CDH18: variants seen among roughly 807,000 people sequenced by gnomAD.
The protein encoded by CDH18 is cadherin 18.
Under a neutral mutation model 67.9 loss-of-function variants are expected in CDH18, and 31 were observed. The ratio of observed to expected loss-of-function variants is 0.46; its 90% CI spans 0.34 to 0.62. The LOEUF is 0.62. Ranked by LOEUF, CDH18 falls within the 20% of genes least tolerant of loss-of-function variation. The probability of loss-of-function intolerance (pLI) is 0.01; values close to 1 mark genes in which losing one functional copy is unlikely to be tolerated. For missense variants in CDH18, 890 were observed against 975.5 expected (o/e 0.91, Z 1.17); for synonymous variants, 362 against 347.2 (o/e 1.04, Z -0.48).
intron 2 of CDH18, among the ~76,000 whole-genome samples, chr5:20,068,093 C>T (rs1743143134): frequency 6.6e-6 from 1 of 152,074 alleles, no homozygotes; most frequent in Admixed American, 6.6e-5. Flanking sequence ...ACACTAAGTT[C>T]TTCCTTCCAT....
intron 2 of CDH18, among the ~76,000 whole-genome samples, chr5:19,918,594 G>A (rs1377205868): frequency 1.3e-5 from 2 of 152,086 alleles, no homozygotes; most frequent in African/African-American, 4.8e-5. Context: ...GTGGCACTAT[G>A]TCCTTCAACA....
intron 2 of CDH18, among the ~76,000 whole-genome samples, chr5:20,058,815 A>T (rs573827996): frequency 1.3e-5 from 2 of 152,214 alleles, no homozygotes; most frequent in Non-Finnish European, 2.9e-5. Context: ...TCCAGTTTAC[A>T]GTATCATCAA....
rs144269891 is a variant in CDH18, at chr5:20,154,622, C to G, written c.-518+100822G>C. ...ACTACCTCTGTCTGCCTCCCTCAGTCTCTGTGCCATTCTTTATGATTATTG... is the reference window on the plus strand; with the variant it reads ...ACTACCTCTGTCTGCCTCCCTCAGTGTCTGTGCCATTCTTTATGATTATTG... On this transcript the variant is annotated intron_variant, in intron 2 of 14. Coordinates refer to the CDH18 transcript ENST00000507958. 2.6e-4 allele frequency among the ~76,000 whole-genome samples: 39 copies of G among 152,240 alleles called. No individual in the cohort carries two copies. The East Asian group carries it at 7.4e-3, about 29-fold the overall frequency.
At chr5:19,496,035 A>C (rs1742270974) in intron 11 of CDH18, among the ~76,000 whole-genome samples, 1 of 152,202 alleles carries the variant, frequency 6.6e-6, no homozygotes, top group African/African-American at 2.4e-5. Flanking sequence ...TTTAGATTGA[A>C]AGTTAAATTG....
At chr5:20,184,211 AT>A (rs900083199) in intron 2 of CDH18, among the ~76,000 whole-genome samples, 1 of 152,130 alleles carries the variant, frequency 6.6e-6, no homozygotes, top group African/African-American at 2.4e-5. Flanking sequence ...TAATAAATAT[AT>A]TTTAAGGCAC....
chr5:19,845,898 C>T (rs1782891057), intron 2 of CDH18, among the ~76,000 whole-genome samples: 1 of 151,620 alleles, frequency 6.6e-6, no homozygotes, highest in Non-Finnish European at 1.5e-5. Context: ...TGATTTGTGT[C>T]CAGAAATCTA....
rs1447411236 is a variant in CDH18 at position 19,786,341 on chromosome 5, C to A, written c.229-39105G>T. Among the ~76,000 whole-genome samples the A allele has an allele frequency of 2.0e-5, 3 of 152,074 alleles. No individual in the cohort carries two copies. The South Asian group carries it at 6.2e-4, about 32-fold the overall frequency. On this transcript the variant is annotated intron_variant, in intron 3 of 12. Transcript: ENST00000382275. ...TATTCAATTTTTTTATTTCTAAAAG[C>A]AGTGCACCCCAAACTTGCTATTTGA...
intron 10 of CDH18, among the ~76,000 whole-genome samples, chr5:19,519,324 C>T (rs1746525743): frequency 6.6e-6 from 1 of 152,194 alleles, no homozygotes; most frequent in Non-Finnish European, 1.5e-5. Context: ...GCAAGCCTCA[C>T]AATTGTCCCT....
intron 2 of CDH18, among the ~76,000 whole-genome samples, chr5:19,954,351 G>C (rs1796062629): frequency 6.6e-6 from 1 of 151,944 alleles, no homozygotes. Flanking sequence ...GTGAATAAAA[G>C]AGAAGCAACG....
intron 1 of CDH18, among the ~76,000 whole-genome samples, chr5:20,260,059 G>A (rs1287056145): frequency 6.6e-6 from 1 of 151,808 alleles, no homozygotes; most frequent in Non-Finnish European, 1.5e-5. Context: ...TTCACACTAA[G>A]TTCCTTTCCA....
intron 1 of CDH18, among the ~76,000 whole-genome samples, chr5:20,538,119 G>A (rs879714916): frequency 5.3e-5 from 8 of 152,024 alleles, no homozygotes; most frequent in South Asian, 2.1e-4. Context: ...CAGAGACACC[G>A]AAGAGACAAA....
intron 2 of CDH18, among the ~76,000 whole-genome samples, chr5:19,965,198 T>A (rs1053888241): frequency 6.6e-6 from 1 of 152,136 alleles, no homozygotes; most frequent in Non-Finnish European, 1.5e-5. Context: ...AAAATAAAAT[T>A]AAATTAAAAA....
At chr5:20,201,522 T>A (rs1739446494) in intron 2 of CDH18, among the ~76,000 whole-genome samples, 1 of 152,092 alleles carries the variant, frequency 6.6e-6, no homozygotes, top group African/African-American at 2.4e-5. Context: ...TTTTTGTTTT[T>A]TGTCAATGCA....
intron 5 of CDH18, among the ~76,000 whole-genome samples, chr5:19,711,638 G>A (rs1764716654): frequency 1.6e-5 from 2 of 121,418 alleles, no homozygotes; most frequent in Admixed American, 9.8e-5. Flanking sequence ...CAGAATGACT[G>A]TTAGTATAAA....
At chr5:19,731,967 G>A (rs900275880) in intron 4 of CDH18, among the ~76,000 whole-genome samples, 9 of 151,488 alleles carry the variant, frequency 5.9e-5, no homozygotes, top group Non-Finnish European at 1.0e-4. Context: ...GTACACACCT[G>A]TAGTTCTAGC....
intron 11 of CDH18, among the ~76,000 whole-genome samples, chr5:19,491,948 T>C (rs1741539457): frequency 1.3e-5 from 2 of 152,092 alleles, no homozygotes; most frequent in Non-Finnish European, 2.9e-5. Context: ...AAATAATGTG[T>C]TATGTTGACT....
rs540494190 is a variant in CDH18 at position 20,465,546 on chromosome 5, C to A, written c.-580+109916G>T. Among the ~76,000 whole-genome samples, 6 of 151,980 alleles carry A rather than the reference C, an allele frequency of 3.9e-5. No individual in the cohort carries two copies. The South Asian group carries it at 1.2e-3, about 31-fold the overall frequency. ...TATTTAAAATTTGTATGTTAAATAA[C>A]ACATATCTGAAATACATATGGAGTA... On this transcript the variant is annotated intron_variant, in intron 1 of 14. Coordinates refer to the CDH18 transcript ENST00000507958.
At chr5:19,818,312 TATTATAATGAGC>T (rs1561367174) in intron 3 of CDH18, among the ~76,000 whole-genome samples, 2 of 152,182 alleles carry the variant, frequency 1.3e-5, no homozygotes, top group Non-Finnish European at 2.9e-5. Context: ...ACAAGAAGTC[TATTATAATGAGC>T]ATTATGATGT....
chr5:20,409,555 C>A (rs1323826264), intron 1 of CDH18, among the ~76,000 whole-genome samples: 1 of 151,514 alleles, frequency 6.6e-6, no homozygotes, highest in Non-Finnish European at 1.5e-5. Context: ...TAAATACCTA[C>A]TTAATAAAAT....
Sources: gnomAD v4.1 joint callset for allele counts (sites outside exome capture counted in the v4.1 genomes callset) on GRCh38, gnomAD v4.1.1 for gene constraint, MANE v1.5 for transcripts, NCBI Gene and HGNC (gene_info 2026-07-23, HGNC 2026-07-21) for gene names.